IMPG1: variants seen among roughly 807,000 people sequenced by gnomAD.
The protein encoded by IMPG1 is interphotoreceptor matrix proteoglycan 1, also known as interphotoreceptor matrix proteoglycan of 150 kDa.
A neutral mutation model predicts 92.0 loss-of-function variants in IMPG1; 85 were observed. The ratio of observed to expected loss-of-function variants is 0.92; its 90% CI spans 0.78 to 1.11. The LOEUF is 1.11. Among genes scored for constraint, IMPG1 ranks in the 50% least tolerant of loss-of-function variants. The pLI, the probability that IMPG1 is intolerant of heterozygous loss-of-function variation, is 0.00. For missense variants in IMPG1, 1,022 were observed against 956.0 expected, an observed-to-expected ratio of 1.07 and a Z score of -0.91; for synonymous variants, 367 against 334.1, an observed-to-expected ratio of 1.10 and a Z score of -1.08.
chr6:75,959,102 CTGTT>C (rs1300237556), intron 12 of IMPG1, among the ~76,000 whole-genome samples: 5 of 152,060 alleles, frequency 3.3e-5, no homozygotes, highest in Non-Finnish European at 7.4e-5. Context: ...CTATTCATTT[CTGTT>C]TGTTAGTTTT....
chr6:75,973,168 C>T (rs988499503), intron 12 of IMPG1, among the ~76,000 whole-genome samples: 21 of 150,486 alleles, frequency 1.4e-4, no homozygotes, highest in African/African-American at 4.5e-4. Context: ...TTTGTAAAGA[C>T]GGGTTCTCAC....
chr6:76,020,780 C>T (rs576722353), intron 6 of IMPG1, among the ~76,000 whole-genome samples: 1 of 152,154 alleles, frequency 6.6e-6, no homozygotes, highest in Non-Finnish European at 1.5e-5. Flanking sequence ...TCATGCCCTA[C>T]AAACCATAAA....
At chr6:75,949,562 CT>C (rs1781989317) in intron 13 of IMPG1, among the ~76,000 whole-genome samples, 1 of 152,188 alleles carries the variant, frequency 6.6e-6, no homozygotes, top group Non-Finnish European at 1.5e-5. Context: ...TATTCCTTTA[CT>C]TTCTTAATAA....
chr6:75,965,606 CTTTTTTTTT>C (rs35490140), intron 12 of IMPG1, among the ~76,000 whole-genome samples: 1 of 112,516 alleles, frequency 8.9e-6, no homozygotes, highest in East Asian at 2.6e-4. Context: ...CATACTTGTT[CTTTTTTTTT>C]TTTTTTTTTT....
chr6:76,029,010 G>A (rs969850491), intron 4 of IMPG1, among the ~76,000 whole-genome samples: 1 of 152,190 alleles, frequency 6.6e-6, no homozygotes, highest in African/African-American at 2.4e-5. Flanking sequence ...TGGAAAAATT[G>A]GGTATTTTAT....
chr6:76,016,445 C>T (rs1783288575), intron 7 of IMPG1, among the ~76,000 whole-genome samples: 3 of 152,180 alleles, frequency 2.0e-5, no homozygotes, highest in East Asian at 1.9e-4. Flanking sequence ...ACAAACTATT[C>T]TTTAATTCAT....
At chr6:76,045,412 G>T (rs1385876618) in intron 1 of IMPG1, among the ~76,000 whole-genome samples, 2 of 142,930 alleles carry the variant, frequency 1.4e-5, no homozygotes, top group African/African-American at 5.1e-5. Context: ...CCTACTTTAG[G>T]TTCTCTTGGC....
chr6:76,025,887 T>G (rs572795461), intron 4 of IMPG1, among the ~76,000 whole-genome samples: 10 of 152,278 alleles, frequency 6.6e-5, no homozygotes, highest in African/African-American at 2.4e-4. Flanking sequence ...GGTAGAGCTA[T>G]TTGTGTATAA....
intron 1 of IMPG1, among the ~76,000 whole-genome samples, chr6:76,070,679 T>G (rs896255737): frequency 2.0e-5 from 3 of 152,272 alleles, no homozygotes; most frequent in Non-Finnish European, 2.9e-5. Flanking sequence ...TGGATGGAAC[T>G]GGAGGCTGCT....
In IMPG1 at chr6:75,963,379, C is replaced by T. The variant is rs111685770; in HGVS notation, c.1292-12285G>A. Reference sequence around the variant, plus strand: ...ATTGTTTTTGGTGAGTGTTACTGCACAGTAAAGAGGTGTGAGATAGTAAAA... The same window carrying T: ...ATTGTTTTTGGTGAGTGTTACTGCATAGTAAAGAGGTGTGAGATAGTAAAA... On this transcript the variant is annotated intron_variant, in intron 12 of 16. Transcript: ENST00000369950. 4.1e-3 allele frequency among the ~76,000 whole-genome samples: 626 copies of T among 152,182 alleles called. 5 individuals are homozygous for T. Among genetic ancestry groups the T allele is most frequent in the African/African-American group, 0.013 (542 of 41,492 alleles).
At chr6:75,940,153 G>C (rs1325515921) in intron 14 of IMPG1, among the ~76,000 whole-genome samples, 1 of 152,094 alleles carries the variant, frequency 6.6e-6, no homozygotes. Flanking sequence ...GGGTTATTCA[G>C]AGTTCCATTC....
intron 12 of IMPG1, among the ~76,000 whole-genome samples, chr6:76,000,767 T>C (rs1054539011): frequency 6.6e-6 from 1 of 152,206 alleles, no homozygotes; most frequent in Non-Finnish European, 1.5e-5. Flanking sequence ...ATCCCTGCTT[T>C]ATGGGTTAGA....
intron 5 of IMPG1, among the ~76,000 whole-genome samples, 153 bp from the exon 6 acceptor site, chr6:76,022,372 G>A (rs976280441): frequency 6.6e-6 from 1 of 152,068 alleles, no homozygotes; most frequent in Non-Finnish European, 1.5e-5. Context: ...ACGTAAATAT[G>A]TTCTTGAAAA....
intron 12 of IMPG1, among the ~76,000 whole-genome samples, chr6:75,975,691 C>T (rs1220402786): frequency 6.6e-6 from 1 of 152,170 alleles, no homozygotes; most frequent in Non-Finnish European, 1.5e-5. Flanking sequence ...CATGAATTTG[C>T]AAATTTGTAT....
chr6:76,072,031 T>C (rs1784410470), intron 1 of IMPG1, among the ~76,000 whole-genome samples: 2 of 152,118 alleles, frequency 1.3e-5, no homozygotes, highest in Admixed American at 1.3e-4. Flanking sequence ...CTTTTTTTTG[T>C]CTGACCATAA....
intron 9 of IMPG1, among the ~76,000 whole-genome samples, 189 bp downstream of exon 9, chr6:76,007,291 T>C (rs1006510726): frequency 3.3e-5 from 5 of 151,316 alleles, no homozygotes; most frequent in Non-Finnish European, 7.4e-5. Context: ...CATAGTGACT[T>C]TGATAAGAGA....
At chr6:75,943,227 T>G (rs1781863755) in intron 14 of IMPG1, among the ~76,000 whole-genome samples, 1 of 152,130 alleles carries the variant, frequency 6.6e-6, no homozygotes, top group Admixed American at 6.6e-5. Flanking sequence ...CGTACTGCTG[T>G]GTGCCCTGCA....
At chr6:76,062,001 G>T (rs971046319) in intron 1 of IMPG1, among the ~76,000 whole-genome samples, 1 of 152,134 alleles carries the variant, frequency 6.6e-6, no homozygotes, top group Non-Finnish European at 1.5e-5. Context: ...AAACTTAAAA[G>T]AAGCCTTTTG....
At chr6:75,979,943 G>T (rs958584058) in intron 12 of IMPG1, among the ~76,000 whole-genome samples, 5 of 152,168 alleles carry the variant, frequency 3.3e-5, no homozygotes, top group African/African-American at 1.2e-4. Context: ...AAGAGTCAAA[G>T]TATTTGAAAT....
Sources: allele counts gnomAD v4.1 joint callset (sites outside exome capture counted in the v4.1 genomes callset), GRCh38; gene constraint gnomAD v4.1.1; transcripts MANE v1.5; gene names NCBI Gene and HGNC (gene_info 2026-07-23, HGNC 2026-07-21).